The following KANK1 variants were observed in gnomAD, a reference collection of about 807,000 sequenced individuals.
The protein encoded by KANK1 is KN motif and ankyrin repeat domains 1.
A neutral mutation model predicts 106.2 loss-of-function variants in KANK1; 109 were observed. The ratio of observed to expected loss-of-function variants is 1.03; its 90% confidence interval spans 0.88 to 1.20. The LOEUF (loss-of-function observed/expected upper bound fraction) is 1.20. Among genes scored for constraint, KANK1 ranks in the 50% most tolerant of loss-of-function variants. The pLI is 0.00. For missense variants in KANK1, 2,399 were observed against 1,710.7 expected (o/e 1.40, Z -7.10); for synonymous variants, 873 against 652.2 (o/e 1.34, Z -5.16).
intron 1 of KANK1, among the ~76,000 whole-genome samples, chr9:653,454 G>T (rs150444936): frequency 6.6e-6 from 1 of 152,016 alleles, no homozygotes; most frequent in Non-Finnish European, 1.5e-5. Flanking sequence ...TAAATTAATA[G>T]GACTTTTGTT....
At chr9:512,804 C>T (rs1356652958) in intron 1 of KANK1, among the ~76,000 whole-genome samples, 5 of 152,130 alleles carry the variant, frequency 3.3e-5, no homozygotes, top group South Asian at 2.1e-4. Context: ...CTGTTAACTT[C>T]CTGCTAAGGA....
upstream of KANK1, among the ~76,000 whole-genome samples, chr9:504,320 T>C (rs2058627658): frequency 1.3e-5 from 2 of 151,728 alleles, no homozygotes; most frequent in African/African-American, 2.4e-5. Context: ...TTCTTCTGCT[T>C]AGTTCTCGCC....
At chr9:744,795 G>A in intron 11 of KANK1, 8 of 1,456,336 alleles carry the variant, frequency 5.5e-6, no homozygotes, top group Non-Finnish European at 6.3e-6. Flanking sequence ...GACCTTGCTT[G>A]TCCTTGCAAG....
intron 1 of KANK1, among the ~76,000 whole-genome samples, chr9:535,804 A>G (rs1256356185): frequency 2.0e-5 from 3 of 152,182 alleles, no homozygotes; most frequent in East Asian, 1.9e-4. Flanking sequence ...GCTCGTCACA[A>G]GCAGTCTTCT....
intron 3 of KANK1, among the ~76,000 whole-genome samples, chr9:475,005 G>C (rs924880539): frequency 1.3e-5 from 2 of 152,068 alleles, no homozygotes; most frequent in Non-Finnish European, 2.9e-5. Flanking sequence ...ATCAGGTGAT[G>C]GTCACATGGT....
At chr9:492,088 A>T (rs2058387252) in intron 3 of KANK1, 1 of 152,232 alleles carries the variant, frequency 6.6e-6, no homozygotes. Flanking sequence ...ACATACCTGG[A>T]GTGTTCCAGG....
At chr9:551,953 G>C (rs2061310195) in intron 1 of KANK1, among the ~76,000 whole-genome samples, 1 of 152,162 alleles carries the variant, frequency 6.6e-6, no homozygotes, top group African/African-American at 2.4e-5. Context: ...CTACTCAGGA[G>C]GCTGAGTTGG....
Position 529,886 on chromosome 9 carries a change from T to C in KANK1, c.-84+25132T>C, listed in dbSNP as rs114429091. ...GCCTTTCATGGAAGCTGTGCTAACT[T>C]ATGCTCTCACAGGCAAGGCATGAAA... On this transcript the variant is annotated intron_variant, in intron 1 of 11. Coordinates refer to ENST00000382297, the MANE Select transcript of KANK1 (RefSeq NM_015158.5). 3.3e-3 allele frequency among the ~76,000 whole-genome samples: 510 copies of C among 152,364 alleles called. 1 individual carries two copies. Among genetic ancestry groups the C allele is most frequent in the African/African-American group, 0.012 (480 of 41,588 alleles).
At chr9:744,048 G>A (rs1242527130) in intron 10 of KANK1, among the ~76,000 whole-genome samples, 1 of 152,216 alleles carries the variant, frequency 6.6e-6, no homozygotes, top group African/African-American at 2.4e-5. Flanking sequence ...CTTACACACA[G>A]ATGTTACTTG....
chr9:583,766 A>T (rs547308289), intron 1 of KANK1, among the ~76,000 whole-genome samples: 76 of 151,768 alleles, frequency 5.0e-4, no homozygotes, highest in Non-Finnish European at 9.6e-4. Context: ...TGAAATTAAT[A>T]TCTTGGATAT....
At chr9:589,470 T>C (rs1214626239) in intron 1 of KANK1, among the ~76,000 whole-genome samples, 1 of 151,610 alleles carries the variant, frequency 6.6e-6, no homozygotes, top group African/African-American at 2.4e-5. Flanking sequence ...AGAGTTGGGG[T>C]AAGGAAACTT....
chr9:745,118 C>A, intron 11 of KANK1, 55 bp from the exon 12 acceptor site: 2 of 1,602,166 alleles, frequency 1.2e-6, no homozygotes, highest in South Asian at 2.3e-5. Context: ...ACAGGGTACA[C>A]ATCTGCCTGA....
At position 712,518 on chromosome 9, in the gene KANK1, G is replaced by A; in HGVS notation, c.1752G>A (p.Arg584=). ...RVEMHDRCAG[R]SVEMCDKSVS... is the part of the protein sequence containing the mutation. ...AAATGCATGACCGATGTGCTGGGAG[G>A]TCTGTGGAAATGTGTGACAAGAGTG... The change falls in exon 3 of 12, where the codon AGG becomes AGA. Residue 584 remains arginine, a synonymous_variant. Coordinates refer to ENST00000382297, the MANE Select transcript of KANK1 (RefSeq NM_015158.5). The A allele has an allele frequency of 6.2e-7, 1 of 1,614,202 alleles. No individual in the cohort carries two copies. Among genetic ancestry groups the A allele is most frequent in the Non-Finnish European group, 8.5e-7 (1 of 1,180,036 alleles).
chr9:683,115 C>T (rs577896505), intron 2 of KANK1, among the ~76,000 whole-genome samples: 2 of 152,192 alleles, frequency 1.3e-5, no homozygotes, highest in South Asian at 2.1e-4. Context: ...AGTGTGCGCC[C>T]GTGGTGGTGA....
Position 713,479 on chromosome 9 carries a change from G to A in KANK1, c.2698+15G>A, listed in dbSNP as rs1826787123. On this transcript the variant is annotated intron_variant, in intron 3 of 11. Transcript: ENST00000382297. ...TAAAATCACAGGTAGGTGGTACCCT[G>A]AGGACCTGGGAATGAGGAAGGATGG... The A allele has an allele frequency of 2.0e-6, 3 of 1,533,498 alleles. No homozygotes were observed. The South Asian group carries it at 3.9e-5, about 20-fold the overall frequency. The allele number at this position is 1,533,498 out of a possible 1,614,324, so 95.0% of individuals were successfully genotyped here.
intron 1 of KANK1, among the ~76,000 whole-genome samples, chr9:633,568 C>T (rs1352436948): frequency 6.6e-6 from 1 of 152,224 alleles, no homozygotes; most frequent in East Asian, 1.9e-4. Context: ...CTGTCCATAG[C>T]ATTGTATCCA....
At chr9:637,908 G>T (rs191033488) in intron 1 of KANK1, among the ~76,000 whole-genome samples, 54 of 152,222 alleles carry the variant, frequency 3.5e-4, no homozygotes, top group Non-Finnish European at 3.7e-4. Context: ...TTGATTCAGT[G>T]GTTCAATGAA....
rs10429639 is a variant in KANK1 at position 732,873 on chromosome 9, C to T, written c.3245+256C>T. Reference sequence around the variant, plus strand: ...CTGCTATATAATTTAACATATGGAACCACAATCCACTAAAACTTGCATTGT... The same window carrying T: ...CTGCTATATAATTTAACATATGGAATCACAATCCACTAAAACTTGCATTGT... On this transcript the variant is annotated intron_variant, in intron 6 of 11. Transcript: ENST00000382297. 3.6e-3 allele frequency: 1,123 copies of T among 313,432 alleles called. 14 individuals carry two copies. The highest frequency in any genetic ancestry group is 0.021 in the African/African-American group (978 of 47,592). The allele number at this position is 313,432 out of a possible 1,614,324, so 19.4% of individuals were successfully genotyped here. A position where few individuals can be genotyped will look rare whatever the true frequency, so the allele number is the denominator to read the frequency against.
chr9:503,558 C>T (rs957804278), upstream of KANK1, among the ~76,000 whole-genome samples: 4 of 152,186 alleles, frequency 2.6e-5, no homozygotes, highest in Non-Finnish European at 4.4e-5. Flanking sequence ...TCTTCACTTG[C>T]ACACTCACAA....
Sources: allele counts gnomAD v4.1 joint callset (sites outside exome capture counted in the v4.1 genomes callset), GRCh38; gene constraint gnomAD v4.1.1; transcripts MANE v1.5; gene names NCBI Gene and HGNC (gene_info 2026-07-23, HGNC 2026-07-21).